The following FOXP2 variants were observed in gnomAD, a reference collection of about 807,000 sequenced individuals.
FOXP2 encodes the protein forkhead box P2, also known as forkhead box protein P2.
FOXP2 carries 12 observed loss-of-function variants against 115.8 expected under a neutral mutation model. That is an observed-to-expected ratio of 0.10 (90% CI 0.07 to 0.17). The LOEUF (loss-of-function observed/expected upper bound fraction) is 0.17. FOXP2 is among the 10% of genes least tolerant of loss of function. FOXP2 has a pLI of 1.00. For missense variants in FOXP2, 629 were observed against 843.5 expected (o/e 0.75, Z 3.15); for synonymous variants, 328 against 297.7 (o/e 1.10, Z -1.05).
At chr7:114,089,352 A>C (rs1369889812) in intron 1 of FOXP2, among the ~76,000 whole-genome samples, 1 of 152,120 alleles carries the variant, frequency 6.6e-6, no homozygotes, top group Non-Finnish European at 1.5e-5. Context: ...TTTTAATTCA[A>C]CTTAAATATA....
chr7:114,351,947 A>G (rs573081359), intron 2 of FOXP2, among the ~76,000 whole-genome samples: 46 of 152,250 alleles, frequency 3.0e-4, no homozygotes, highest in Admixed American at 1.0e-3. Context: ...TGTTAGTTCC[A>G]TGTCTGAATC....
chr7:114,327,573 C>A (rs940963251), intron 2 of FOXP2, among the ~76,000 whole-genome samples: 4 of 151,236 alleles, frequency 2.6e-5, no homozygotes, highest in Non-Finnish European at 5.9e-5. Flanking sequence ...GTGATCTTGG[C>A]TCACCACAAC....
Position 114,587,977 on chromosome 7 carries a change from C to A in FOXP2, c.259-40563C>A, listed in dbSNP as rs370972729. ...TTTTAAGCTCATTCAGTTTTCTAAC[C>A]ACCTAGTCTCAGCCCTATTGTTGAA... On this transcript the variant is annotated intron_variant, in intron 3 of 16. Coordinates refer to ENST00000350908, the MANE Select transcript of FOXP2 (RefSeq NM_014491.4). Among the ~76,000 whole-genome samples the A allele has an allele frequency of 2.0e-5, 3 of 148,864 alleles. No individual in the cohort carries two copies. The East Asian group carries it at 6.0e-4, about 30-fold the overall frequency.
chr7:114,229,698 A>G (rs1794826295), intron 1 of FOXP2, among the ~76,000 whole-genome samples: 1 of 151,736 alleles, frequency 6.6e-6, no homozygotes, highest in Non-Finnish European at 1.5e-5. Flanking sequence ...TGAGATTAAA[A>G]AAAACAAAAA....
chr7:114,385,206 G>C (rs1204535809), intron 2 of FOXP2, among the ~76,000 whole-genome samples: 1 of 151,994 alleles, frequency 6.6e-6, no homozygotes, highest in African/African-American at 2.4e-5. Context: ...TTATAGCCTA[G>C]GTGCCTAAGG....
chr7:114,457,498 T>C (rs1407678500), intron 2 of FOXP2, among the ~76,000 whole-genome samples: 2 of 152,200 alleles, frequency 1.3e-5, no homozygotes, highest in African/African-American at 2.4e-5. Context: ...AAAAGTCATA[T>C]TGTGAAAAAA....
At chr7:114,626,957 A>G (rs1415298676) in intron 3 of FOXP2, among the ~76,000 whole-genome samples, 2 of 151,856 alleles carry the variant, frequency 1.3e-5, no homozygotes, top group Non-Finnish European at 2.9e-5. Context: ...ATACAGAAAT[A>G]TTTTTTAAAA....
intron 1 of FOXP2, among the ~76,000 whole-genome samples, chr7:114,247,185 A>C (rs1795305785): frequency 6.6e-6 from 1 of 152,154 alleles, no homozygotes; most frequent in South Asian, 2.1e-4. Context: ...TATCTTCCTT[A>C]TGTAGTGTGT....
intron 2 of FOXP2, among the ~76,000 whole-genome samples, chr7:114,344,663 T>G (rs1791298256): frequency 6.6e-6 from 1 of 151,854 alleles, no homozygotes; most frequent in African/African-American, 2.4e-5. Context: ...CATAGAGTAG[T>G]TATTCTGTTA....
Position 114,531,732 on chromosome 7 carries a change from G to T in FOXP2, c.169-2885G>T, listed in dbSNP as rs566609335. 3.9e-5 allele frequency among the ~76,000 whole-genome samples: 6 copies of T among 152,026 alleles called. No homozygotes were observed. The South Asian group carries it at 1.0e-3, about 26-fold the overall frequency. The stretch of plus-strand genomic sequence containing the variant: ...CAGCTATTTTGGAGATAATGCATAT[G>T]AAAACCAAAATACTTTAAAGTAGAA... On this transcript the variant is annotated intron_variant, in intron 2 of 16. Transcript: ENST00000350908.
intron 1 of FOXP2, among the ~76,000 whole-genome samples, chr7:114,149,699 A>C (rs928828275): frequency 1.1e-4 from 16 of 152,138 alleles, no homozygotes; most frequent in African/African-American, 1.7e-4. Context: ...TTCTTGAATT[A>C]ACAAGTGAAA....
At chr7:114,200,549 A>G (rs1181264683) in intron 1 of FOXP2, among the ~76,000 whole-genome samples, 1 of 152,326 alleles carries the variant, frequency 6.6e-6, no homozygotes, top group Middle Eastern at 3.4e-3. Flanking sequence ...TGCAGTGCCT[A>G]TGATTTCTAT....
At chr7:114,621,240 C>T in intron 3 of FOXP2, among the ~76,000 whole-genome samples, 1 of 151,918 alleles carries the variant, frequency 6.6e-6, no homozygotes, top group East Asian at 1.9e-4. Context: ...TGATTATCAG[C>T]ATCTTTTTGA....
At chr7:114,271,570 T>G (rs1796043703) in intron 1 of FOXP2, among the ~76,000 whole-genome samples, 1 of 126,848 alleles carries the variant, frequency 7.9e-6, no homozygotes, top group Non-Finnish European at 1.6e-5. Flanking sequence ...ATATATAATA[T>G]AATTTATATA....
chr7:114,444,612 T>C (rs1444227107), intron 2 of FOXP2, among the ~76,000 whole-genome samples: 1 of 152,158 alleles, frequency 6.6e-6, no homozygotes, highest in East Asian at 1.9e-4. Flanking sequence ...GTGCAAGTAC[T>C]GACTTCTCTA....
rs138680308 is a variant in FOXP2, at chr7:114,540,055, C to A, written c.258+5349C>A. Among the ~76,000 whole-genome samples the A allele has an allele frequency of 2.2e-4, 34 of 151,958 alleles. No individual in the cohort carries two copies. In the East Asian group the frequency reaches 6.4e-3, roughly 29 times the overall value. Reference sequence around the variant, plus strand: ...TGGATAAGGAGTTAATAAATAATTACCATTATGCTAGCCTCCAGGAAATTG... The same window carrying A: ...TGGATAAGGAGTTAATAAATAATTAACATTATGCTAGCCTCCAGGAAATTG... On this transcript the variant is annotated intron_variant, in intron 3 of 16. Transcript: ENST00000350908.
intron 16 of FOXP2, chr7:114,667,255 A>G (rs1285346288): frequency 6.6e-6 from 1 of 152,074 alleles, no homozygotes; most frequent in Non-Finnish European, 1.5e-5. Flanking sequence ...GAGACCCTGT[A>G]TCTACAAAAA....
intron 2 of FOXP2, among the ~76,000 whole-genome samples, chr7:114,385,643 A>G (rs777061513): frequency 2.4e-4 from 36 of 152,208 alleles, no homozygotes; most frequent in Admixed American, 5.2e-4. Flanking sequence ...TTCGGCGACC[A>G]TGCTAATCAT....
intron 2 of FOXP2, among the ~76,000 whole-genome samples, chr7:114,346,956 C>T (rs2129185079): frequency 6.6e-6 from 1 of 151,818 alleles, no homozygotes. Context: ...TATCAGTATA[C>T]AACACAGATA....
Sources: allele counts gnomAD v4.1 joint callset (sites outside exome capture counted in the v4.1 genomes callset), GRCh38; gene constraint gnomAD v4.1.1; transcripts MANE v1.5; gene names NCBI Gene and HGNC (gene_info 2026-07-23, HGNC 2026-07-21).